Variants in DPH6 observed in about 807,000 individuals in gnomAD.
DPH6 encodes diphthamine biosynthesis 6.
A neutral mutation model predicts 38.2 loss-of-function variants in DPH6; 33 were observed. That is an observed-to-expected ratio of 0.86 (90% CI 0.65 to 1.15). The LOEUF is 1.15. Among genes scored for constraint, DPH6 ranks in the 50% most tolerant of loss-of-function variants. The pLI is 0.00. For synonymous variants in DPH6, 108 were observed against 103.0 expected (o/e 1.05, Z -0.30); for missense variants, 325 against 320.0 (o/e 1.02, Z -0.12).
downstream of DPH6, among the ~76,000 whole-genome samples, chr15:35,213,086 G>A (rs1472813581): frequency 6.6e-6 from 1 of 152,166 alleles, no homozygotes; most frequent in Non-Finnish European, 1.5e-5. Flanking sequence ...ATTAAAGTTA[G>A]CCACAGTCTG....
At chr15:35,308,748 T>C (rs2052114932) in intron 3 of DPH6, among the ~76,000 whole-genome samples, 2 of 152,216 alleles carry the variant, frequency 1.3e-5, no homozygotes, top group Non-Finnish European at 2.9e-5. Context: ...TTTGTACTTC[T>C]ACACACTAAA....
chr15:35,534,572 T>A, intron 3 of DPH6, among the ~76,000 whole-genome samples: 1 of 151,154 alleles, frequency 6.6e-6, no homozygotes, highest in Non-Finnish European at 1.5e-5. Flanking sequence ...TTTAGAAAAA[T>A]TTAACAAGAA....
intron 3 of DPH6, among the ~76,000 whole-genome samples, chr15:35,363,454 T>C (rs1192188415): frequency 6.6e-6 from 1 of 152,130 alleles, no homozygotes; most frequent in African/African-American, 2.4e-5. Flanking sequence ...CTCTTTTGCC[T>C]AGCTTTTGCA....
the DPH6 span, among the ~76,000 whole-genome samples, chr15:35,168,475 C>T: frequency 3.9e-5 from 6 of 151,956 alleles, no homozygotes; most frequent in Admixed American, 2.6e-4. Flanking sequence ...ATGCCTATTG[C>T]CTTTTCACCA....
At chr15:35,340,102 T>C (rs2099992) in intron 3 of DPH6, among the ~76,000 whole-genome samples, 80,614 of 152,040 alleles carry the variant, frequency 0.53, 25,353 homozygotes, top group African/African-American at 0.88. Flanking sequence ...TAGATTTTCT[T>C]GTTGAATCAA....
At chr15:35,401,514 C>T in intron 6 of DPH6, 1 of 770,752 alleles carries the variant, frequency 1.3e-6, no homozygotes, top group Non-Finnish European at 2.4e-6. Context: ...ACAGCTATGA[C>T]AGCTATAACA....
At chr15:35,432,316 T>C (rs1026006314) in intron 5 of DPH6, among the ~76,000 whole-genome samples, 2 of 152,222 alleles carry the variant, frequency 1.3e-5, no homozygotes, top group African/African-American at 4.8e-5. Context: ...GTCTTCCTCT[T>C]TGGTAGTGTT....
chr15:35,247,073 C>G (rs1426728243), intron 3 of DPH6, among the ~76,000 whole-genome samples: 1 of 152,004 alleles, frequency 6.6e-6, no homozygotes, highest in East Asian at 1.9e-4. Flanking sequence ...TAAGGAATAC[C>G]ACAGCTGATA....
intron 3 of DPH6, among the ~76,000 whole-genome samples, chr15:35,321,392 A>C (rs2052239205): frequency 6.6e-6 from 1 of 152,242 alleles, no homozygotes; most frequent in Admixed American, 6.5e-5. Context: ...TAGAATACAT[A>C]GGAGTAAATA....
intron 3 of DPH6, chr15:35,521,258 GA>G (rs1725872043): frequency 2.0e-6 from 2 of 986,066 alleles, no homozygotes; most frequent in African/African-American, 1.7e-5. Context: ...CAGGTACATT[GA>G]ATGCATGTAA....
chr15:35,158,280 A>G, the DPH6 span, among the ~76,000 whole-genome samples: 9 of 152,120 alleles, frequency 5.9e-5, no homozygotes, highest in Admixed American at 4.6e-4. Context: ...TTTGTTTTTT[A>G]TATCTTGATT....
intron 3 of DPH6, among the ~76,000 whole-genome samples, chr15:35,362,183 G>A (rs1434418456): frequency 1.3e-5 from 2 of 152,164 alleles, no homozygotes; most frequent in East Asian, 3.8e-4. Flanking sequence ...AATTTCACAA[G>A]GAGAGAAGTT....
the DPH6 span, among the ~76,000 whole-genome samples, chr15:35,206,138 A>G: frequency 6.6e-6 from 1 of 152,150 alleles, no homozygotes; most frequent in African/African-American, 2.4e-5. Flanking sequence ...TGCTTCTAGT[A>G]TGCATTTAAA....
chr15:35,332,150 A>G (rs2052331204), intron 3 of DPH6, among the ~76,000 whole-genome samples: 1 of 152,194 alleles, frequency 6.6e-6, no homozygotes, highest in African/African-American at 2.4e-5. Flanking sequence ...AAGTTTTTGT[A>G]TTCTATTCCT....
chr15:35,304,931 T>C (rs1595469196), intron 3 of DPH6, among the ~76,000 whole-genome samples: 1 of 152,150 alleles, frequency 6.6e-6, no homozygotes, highest in Non-Finnish European at 1.5e-5. Context: ...GCTTATTTTA[T>C]GCTGTTCTGC....
chr15:35,348,469 C>G (rs753742908), intron 3 of DPH6, among the ~76,000 whole-genome samples: 3 of 152,034 alleles, frequency 2.0e-5, no homozygotes, highest in Non-Finnish European at 4.4e-5. Flanking sequence ...ATAAAGATTT[C>G]TCTGGGCTCT....
In DPH6 at chr15:35,313,741, T is replaced by TA. The variant is rs112341339; in HGVS notation, n.200+59779dup. ...TTTTGGTGGCATCTTTAGGTTTTTCTAAAAAAAATCATGTTGTGTGTGCAC... is the reference window on the plus strand; with the variant it reads ...TTTTGGTGGCATCTTTAGGTTTTTCTAAAAAAAAATCATGTTGTGTGTGCAC... On this transcript the variant is annotated intron_variant and non_coding_transcript_variant, in intron 3 of 3. Transcript: ENST00000560386. Among the ~76,000 whole-genome samples, 1,375 of 152,130 alleles carry TA rather than the reference T, an allele frequency of 9.0e-3. 24 individuals are homozygous for TA. Among genetic ancestry groups the TA allele is most frequent in the African/African-American group, 0.031 (1,302 of 41,500 alleles).
At chr15:35,365,382 C>A (rs557352756) in intron 3 of DPH6, among the ~76,000 whole-genome samples, 2 of 152,178 alleles carry the variant, frequency 1.3e-5, no homozygotes, top group South Asian at 4.1e-4. Context: ...CAGTGCCATG[C>A]ATATAAGAAT....
At chr15:35,298,408 C>G (rs1245650640) in intron 3 of DPH6, 5 of 739,588 alleles carry the variant, frequency 6.8e-6, no homozygotes, top group Non-Finnish European at 2.5e-6. Context: ...GCTTCATCAT[C>G]AGGGGCACCA....
Sources: gnomAD v4.1 joint callset for allele counts (sites outside exome capture counted in the v4.1 genomes callset) on GRCh38, gnomAD v4.1.1 for gene constraint, MANE v1.5 for transcripts, NCBI Gene and HGNC (gene_info 2026-07-23, HGNC 2026-07-21) for gene names.